The following MEIS2 variants were observed in gnomAD, a reference collection of about 807,000 sequenced individuals.
MEIS2 encodes the protein homeobox protein Meis2.
MEIS2 carries 9 observed loss-of-function variants against 58.6 expected under a neutral mutation model. The ratio of observed to expected loss-of-function variants is 0.15; its 90% CI spans 0.09 to 0.27. MEIS2 has a LOEUF of 0.27. Among genes scored for constraint, MEIS2 ranks in the 10% least tolerant of loss-of-function variants. The pLI, the probability that MEIS2 is intolerant of heterozygous loss-of-function variation, is 1.00. For missense variants in MEIS2, 427 were observed against 635.0 expected, an observed-to-expected ratio of 0.67 and a Z score of 3.52; for synonymous variants, 221 against 228.4, an observed-to-expected ratio of 0.97 and a Z score of 0.29.
In MEIS2 at chr15:36,892,405, C is replaced by A; in HGVS notation, c.1202G>T (p.Ser401Ile). The A allele has an allele frequency of 6.2e-7, 1 of 1,613,962 alleles. No homozygotes were observed. ...YVSQGGPMGM[S>I]MAQPSYTPPQ... ...AGGAGTGTAACTTGGCTGTGCCATA[C>A]TCATTCCCATAGGACCACCCTGAGA... The change falls in exon 12 of 12, where the codon AGT (serine) becomes ATT (isoleucine). Residue 401 changes from serine to isoleucine, a missense_variant. Physicochemically the swap from Ser to Ile is moderately radical, Grantham distance 142. Transcript: ENST00000561208.
chr15:37,071,735 GA>G (rs1890734342), intron 7 of MEIS2, among the ~76,000 whole-genome samples: 1 of 151,958 alleles, frequency 6.6e-6, no homozygotes, highest in African/African-American at 2.4e-5. Context: ...CATGATAAGT[GA>G]CAGATCTGAG....
chr15:37,017,999 T>G (rs2061405505), intron 8 of MEIS2, among the ~76,000 whole-genome samples: 1 of 152,192 alleles, frequency 6.6e-6, no homozygotes, highest in South Asian at 2.1e-4. Flanking sequence ...GGCAATGTGG[T>G]AAGTGCCTGG....
intron 7 of MEIS2, among the ~76,000 whole-genome samples, chr15:37,080,458 A>G (rs1020356554): frequency 2.6e-5 from 4 of 152,154 alleles, no homozygotes; most frequent in East Asian, 1.9e-4. Flanking sequence ...TACTTTGTAC[A>G]TATATTGTGT....
At chr15:36,959,834 TAAA>T (rs2059120707) in intron 8 of MEIS2, among the ~76,000 whole-genome samples, 1 of 152,172 alleles carries the variant, frequency 6.6e-6, no homozygotes, top group African/African-American at 2.4e-5. Flanking sequence ...GGGATTGCTT[TAAA>T]ACAAGAGTCT....
At chr15:37,059,979 G>T (rs1342308580) in intron 7 of MEIS2, among the ~76,000 whole-genome samples, 1 of 152,132 alleles carries the variant, frequency 6.6e-6, no homozygotes, top group Non-Finnish European at 1.5e-5. Flanking sequence ...CACGCAGGCT[G>T]GAGGGCAGTG....
Position 37,011,203 on chromosome 15 carries a change from A to G in MEIS2, c.900+25611T>C, listed in dbSNP as rs535040321. Among the ~76,000 whole-genome samples, 5 of 152,324 alleles carry G rather than the reference A, an allele frequency of 3.3e-5. No homozygotes were observed. In the East Asian group the frequency reaches 9.6e-4, roughly 29 times the overall value. ...GTAAAAGCTCACTTACTAAATTTAG[A>G]TACGTAACTTTTCAAAGTAGTTATC... On this transcript the variant is annotated intron_variant, in intron 8 of 11. Transcript: ENST00000561208.
At chr15:36,902,451 A>G (rs113686295) in intron 9 of MEIS2, among the ~76,000 whole-genome samples, 179 of 152,312 alleles carry the variant, frequency 1.2e-3, no homozygotes, top group African/African-American at 4.2e-3. Flanking sequence ...TTTTGGAATC[A>G]CACTCTCTGT....
intron 10 of MEIS2, among the ~76,000 whole-genome samples, chr15:36,895,829 C>T (rs1595668291): frequency 6.6e-6 from 1 of 152,146 alleles, no homozygotes; most frequent in African/African-American, 2.4e-5. Context: ...GGAAATTTTG[C>T]CAAAGGATGA....
chr15:36,936,434 G>C (rs1567075533), intron 9 of MEIS2, among the ~76,000 whole-genome samples: 1 of 152,022 alleles, frequency 6.6e-6, no homozygotes, highest in Non-Finnish European at 1.5e-5. Context: ...TGAGGGAGGT[G>C]CATTTTCTTA....
chr15:36,996,875 C>G (rs1333318797), intron 8 of MEIS2, among the ~76,000 whole-genome samples: 1 of 152,288 alleles, frequency 6.6e-6, no homozygotes, highest in Admixed American at 6.5e-5. Flanking sequence ...GAGTAACTCT[C>G]CATATTACAT....
chr15:36,983,300 A>C (rs760188480), intron 8 of MEIS2, among the ~76,000 whole-genome samples: 7 of 152,076 alleles, frequency 4.6e-5, no homozygotes, highest in Non-Finnish European at 8.8e-5. Context: ...TTAAGTATTT[A>C]ATTCATTTTT....
intron 9 of MEIS2, among the ~76,000 whole-genome samples, chr15:36,924,014 T>G (rs973385991): frequency 2.0e-5 from 3 of 152,234 alleles, no homozygotes; most frequent in African/African-American, 7.2e-5. Flanking sequence ...ACACAAGACA[T>G]GCCCTTTAAA....
At chr15:36,904,625 ATT>A (rs1386052541) in intron 9 of MEIS2, among the ~76,000 whole-genome samples, 1 of 120,690 alleles carries the variant, frequency 8.3e-6, no homozygotes, top group Admixed American at 9.5e-5. Flanking sequence ...AGATAAAAGG[ATT>A]ACATTTTCTT....
chr15:37,004,980 C>A (rs1217762224), intron 8 of MEIS2, among the ~76,000 whole-genome samples: 1 of 152,116 alleles, frequency 6.6e-6, no homozygotes, highest in Admixed American at 6.5e-5. Context: ...TATGATATAC[C>A]AATTTTAAAA....
chr15:37,100,816 G>A (rs1227882889), upstream of MEIS2: 1 of 151,036 alleles, frequency 6.6e-6, no homozygotes, highest in African/African-American at 2.4e-5. Flanking sequence ...AGCGCAGAGA[G>A]GAAAACTGCA....
At chr15:36,997,553 C>G (rs2060567806) in intron 8 of MEIS2, among the ~76,000 whole-genome samples, 1 of 149,850 alleles carries the variant, frequency 6.7e-6, no homozygotes, top group Non-Finnish European at 1.5e-5. Context: ...TTGGCGCGAT[C>G]TCGGCTCACT....
At chr15:36,987,869 T>C (rs913343093) in intron 8 of MEIS2, among the ~76,000 whole-genome samples, 3 of 152,180 alleles carry the variant, frequency 2.0e-5, no homozygotes, top group African/African-American at 7.2e-5. Flanking sequence ...AGTTTCAATG[T>C]TGAGAATACT....
intron 9 of MEIS2, chr15:36,898,649 TACTC>T (rs1422293106): frequency 6.6e-6 from 1 of 152,240 alleles, no homozygotes; most frequent in Non-Finnish European, 1.5e-5. Flanking sequence ...AACACTCCCT[TACTC>T]ACAGAGCTGC....
chr15:37,018,027 T>C (rs1469661586), intron 8 of MEIS2, among the ~76,000 whole-genome samples: 1 of 152,200 alleles, frequency 6.6e-6, no homozygotes, highest in East Asian at 1.9e-4. Context: ...TTATCTCCTT[T>C]GTCCATCCTA....
Sources: allele counts gnomAD v4.1 joint callset (sites outside exome capture counted in the v4.1 genomes callset), GRCh38; gene constraint gnomAD v4.1.1; transcripts MANE v1.5; gene names NCBI Gene and HGNC (gene_info 2026-07-23, HGNC 2026-07-21).